Variants in RASSF3 observed in about 807,000 individuals in gnomAD.
RASSF3 encodes ras association domain-containing protein 3.
A neutral mutation model predicts 19.9 loss-of-function variants in RASSF3; 19 were observed. That is an observed-to-expected ratio of 0.96 (90% CI 0.67 to 1.40). The LOEUF (loss-of-function observed/expected upper bound fraction) is 1.40, where lower values mean the gene tolerates loss of function less well. Ranked by LOEUF, RASSF3 falls within the 40% of genes most tolerant of loss-of-function variation. The pLI is 0.00. For synonymous variants in RASSF3, 110 were observed against 104.2 expected (o/e 1.06, Z -0.34); for missense variants, 306 against 289.8 (o/e 1.06, Z -0.41).
chr12:64,697,333 A>G lies in RASSF3; in HGVS notation c.*2421A>G, dbSNP rs1461339288. ...ATCATTGTACAAATCATTATGTTAA[A>G]CTATCTAAGCTTTGCTGTAATACTG... On this transcript the variant is annotated 3_prime_UTR_variant, in exon 5 of 5. Transcript: ENST00000542104. 6.6e-6 allele frequency: 1 copy of G among 152,170 alleles called. No individual in the cohort carries two copies. The highest frequency in any genetic ancestry group is 1.5e-5 in the Non-Finnish European group (1 of 68,036). 9.4% of individuals were successfully genotyped at this position (152,170 alleles called of 1,614,324 possible). A position where few individuals can be genotyped will look rare whatever the true frequency, so the allele number is the denominator to read the frequency against.
intron 1 of RASSF3, among the ~76,000 whole-genome samples, chr12:64,511,301 G>T (rs1349138753): frequency 6.6e-6 from 1 of 152,058 alleles, no homozygotes; most frequent in Non-Finnish European, 1.5e-5. Flanking sequence ...ATGAGATCTG[G>T]TGAAACCCCG....
intron 1 of RASSF3, among the ~76,000 whole-genome samples, chr12:64,620,178 G>C (rs1870703554): frequency 1.3e-5 from 2 of 152,182 alleles, no homozygotes; most frequent in South Asian, 4.1e-4. Flanking sequence ...GTCTAGATAA[G>C]TGAATTTGTG....
At chr12:64,615,799 G>A (rs984146037) in intron 1 of RASSF3, among the ~76,000 whole-genome samples, 4 of 151,134 alleles carry the variant, frequency 2.6e-5, no homozygotes, top group Non-Finnish European at 5.9e-5. Context: ...TCAGCCTCCC[G>A]AGTAGCTGGG....
chr12:64,549,291 A>G (rs1869118067), intron 2 of RASSF3, among the ~76,000 whole-genome samples: 1 of 152,172 alleles, frequency 6.6e-6, no homozygotes, highest in Admixed American at 6.5e-5. Context: ...TTGAGCCCAG[A>G]AATTTGAGAA....
At chr12:64,604,395 G>C (rs1279216990) in intron 2 of RASSF3, among the ~76,000 whole-genome samples, 2 of 152,132 alleles carry the variant, frequency 1.3e-5, no homozygotes, top group African/African-American at 4.8e-5. Flanking sequence ...CCAAATGGTA[G>C]GATTACAGGT....
At chr12:64,602,012 G>A (rs1870100693) in intron 2 of RASSF3, among the ~76,000 whole-genome samples, 1 of 151,756 alleles carries the variant, frequency 6.6e-6, no homozygotes, top group Non-Finnish European at 1.5e-5. Context: ...AACTACTCGG[G>A]AGGCTGAGGC....
rs374725641 is a variant in RASSF3 at position 64,560,851 on chromosome 12, G to C, written c.294+19146G>C. 3.3e-5 allele frequency among the ~76,000 whole-genome samples: 5 copies of C among 152,342 alleles called. No homozygotes were observed. In the East Asian group the frequency reaches 7.7e-4, roughly 23 times the overall value. On this transcript the variant is annotated intron_variant, in intron 2 of 5. Transcript: ENST00000637125. ...GACGCAAAGCAGGTCTGACCTCTGT[G>C]AGAGACGGGGAAGGAAGGAGGATCT...
chr12:64,582,744 G>A (rs946328758), intron 2 of RASSF3, among the ~76,000 whole-genome samples: 1 of 152,174 alleles, frequency 6.6e-6, no homozygotes, highest in African/African-American at 2.4e-5. Flanking sequence ...TTCTTAGAGG[G>A]AAGAATCAGA....
chr12:64,542,831 C>T (rs1868956474), downstream of RASSF3, among the ~76,000 whole-genome samples: 1 of 152,228 alleles, frequency 6.6e-6, no homozygotes, highest in South Asian at 2.1e-4. Context: ...ACTCTGGCCC[C>T]ACTTGAAGAG....
intron 2 of RASSF3, among the ~76,000 whole-genome samples, chr12:64,586,491 GAAAA>G (rs10708538): frequency 2.9e-5 from 2 of 70,146 alleles, no homozygotes; most frequent in African/African-American, 1.2e-4. Flanking sequence ...CTCCTTCTCA[GAAAA>G]AAAAAAAAAA....
chr12:64,592,454 AT>A (rs888142501), intron 2 of RASSF3, among the ~76,000 whole-genome samples: 5 of 151,924 alleles, frequency 3.3e-5, no homozygotes, highest in African/African-American at 9.6e-5. Context: ...AGGCATTTAT[AT>A]TTTTTTTCAG....
At chr12:64,583,687 C>G (rs1293169248) in intron 2 of RASSF3, among the ~76,000 whole-genome samples, 1 of 152,134 alleles carries the variant, frequency 6.6e-6, no homozygotes, top group Non-Finnish European at 1.5e-5. Flanking sequence ...GCACCAGGCA[C>G]ACATTGCAAC....
chr12:64,508,529 A>C (rs1025866544), intron 1 of RASSF3, among the ~76,000 whole-genome samples: 1 of 150,518 alleles, frequency 6.6e-6, no homozygotes, highest in Non-Finnish European at 1.5e-5. Context: ...AAAAAAAAAC[A>C]AAAAACAGAA....
At chr12:64,686,977 C>T (rs754696777) in intron 2 of RASSF3, among the ~76,000 whole-genome samples, 5 of 152,132 alleles carry the variant, frequency 3.3e-5, no homozygotes, top group Non-Finnish European at 7.4e-5. Context: ...TACAATAAAT[C>T]TTTTCTAAAT....
chr12:64,629,981 A>G (rs2136172074), intron 1 of RASSF3: 1 of 151,500 alleles, frequency 6.6e-6, no homozygotes, highest in South Asian at 2.1e-4. Context: ...AAAAAAAGAA[A>G]AAGAAAAAAA....
chr12:64,511,746 A>T (rs578098189), intron 1 of RASSF3, among the ~76,000 whole-genome samples: 64 of 152,250 alleles, frequency 4.2e-4, no homozygotes, highest in Non-Finnish European at 7.6e-4. Context: ...TTGAAGATAA[A>T]AGCCTATCGT....
chr12:64,637,455 G>A (rs933456441), intron 1 of RASSF3, among the ~76,000 whole-genome samples: 4 of 119,422 alleles, frequency 3.3e-5, no homozygotes, highest in Non-Finnish European at 6.9e-5. Flanking sequence ...ACAGATTCTT[G>A]CTCTGTTGCC....
At chr12:64,573,160 G>A (rs569652365) in intron 2 of RASSF3, among the ~76,000 whole-genome samples, 1 of 152,284 alleles carries the variant, frequency 6.6e-6, no homozygotes, top group East Asian at 1.9e-4. Context: ...GCAACTTAGT[G>A]AGACCCAGTT....
chr12:64,630,630 A>G (rs1399021183), intron 1 of RASSF3, among the ~76,000 whole-genome samples: 2 of 152,310 alleles, frequency 1.3e-5, no homozygotes, highest in East Asian at 3.9e-4. Flanking sequence ...AGTTATAGCT[A>G]GTTCTCAGTA....
Sources: gnomAD v4.1 joint callset for allele counts (sites outside exome capture counted in the v4.1 genomes callset) on GRCh38, gnomAD v4.1.1 for gene constraint, MANE v1.5 for transcripts, NCBI Gene and HGNC (gene_info 2026-07-23, HGNC 2026-07-21) for gene names.